CPA6: variants seen among roughly 807,000 people sequenced by gnomAD.
CPA6 encodes the protein carboxypeptidase B.
Under a neutral mutation model 63.3 loss-of-function variants are expected in CPA6, and 58 were observed. The observed-to-expected ratio is 0.92, with a 90% CI of 0.74 to 1.14. CPA6 has a LOEUF of 1.14. Ranked by LOEUF, CPA6 falls within the 50% of genes most tolerant of loss-of-function variation. CPA6 has a pLI of 0.00. For synonymous variants in CPA6, 185 were observed against 179.0 expected (o/e 1.03, Z -0.27); for missense variants, 565 against 526.6 (o/e 1.07, Z -0.71).
chr8:67,698,041 C>T (rs946137377), intron 1 of CPA6, among the ~76,000 whole-genome samples: 3 of 152,062 alleles, frequency 2.0e-5, no homozygotes, highest in Admixed American at 1.3e-4. Flanking sequence ...AAATGAGAAC[C>T]TGGTAGCTGT....
chr8:67,728,670 T>C lies in CPA6; in HGVS notation c.116+17344A>G, dbSNP rs147002552. Among the ~76,000 whole-genome samples, 642 of 152,358 alleles carry C rather than the reference T, an allele frequency of 4.2e-3. 3 individuals are homozygous for C. Among genetic ancestry groups the C allele is most frequent in the Non-Finnish European group, 6.0e-3 (405 of 68,036 alleles). On this transcript the variant is annotated intron_variant, in intron 1 of 10. Coordinates refer to ENST00000297770, the MANE Select transcript of CPA6 (RefSeq NM_020361.5). ...TAATACTGCAAATAGCTTACATTTA[T>C]TGAGTTTATTTGTCCTAGTCTCTGC...
chr8:67,633,620 G>C (rs1472678238), intron 1 of CPA6, among the ~76,000 whole-genome samples: 1 of 149,814 alleles, frequency 6.7e-6, no homozygotes, highest in African/African-American at 2.5e-5. Flanking sequence ...GGCGGAGCTT[G>C]CAGTGAGCAG....
intron 1 of CPA6, among the ~76,000 whole-genome samples, chr8:67,696,350 C>T (rs1047303462): frequency 6.6e-6 from 1 of 152,108 alleles, no homozygotes; most frequent in Non-Finnish European, 1.5e-5. Flanking sequence ...CACTGAGAAG[C>T]CATAGTACAT....
intron 8 of CPA6, among the ~76,000 whole-genome samples, chr8:67,480,865 T>C (rs1418440094): frequency 6.6e-6 from 1 of 152,228 alleles, no homozygotes. Flanking sequence ...TCTTAGTAGA[T>C]GTGAAGTGGT....
chr8:67,511,687 T>C (rs1812046069), intron 3 of CPA6, 32 bp from the exon 4 acceptor site: 1 of 1,271,366 alleles, frequency 7.9e-7, no homozygotes, highest in South Asian at 1.2e-5. Flanking sequence ...TGATGAAAAG[T>C]AAATTGAGAT....
intron 2 of CPA6, among the ~76,000 whole-genome samples, chr8:67,563,413 C>G (rs1813261183): frequency 6.6e-6 from 1 of 152,154 alleles, no homozygotes; most frequent in Non-Finnish European, 1.5e-5. Context: ...ACATGAGTGA[C>G]TGGCAAATTG....
intron 8 of CPA6, among the ~76,000 whole-genome samples, chr8:67,475,761 TTC>T (rs1383505983): frequency 4.9e-4 from 61 of 125,304 alleles, no homozygotes; most frequent in African/African-American, 1.7e-3. Context: ...CTTTTTTTCT[TTC>T]TTTCTCTTTC....
At chr8:67,741,724 A>G (rs1350718312) in intron 1 of CPA6, among the ~76,000 whole-genome samples, 2 of 152,218 alleles carry the variant, frequency 1.3e-5, no homozygotes, top group Non-Finnish European at 2.9e-5. Flanking sequence ...CGTCATCCCC[A>G]GATGGGACTG....
intron 6 of CPA6, among the ~76,000 whole-genome samples, chr8:67,498,890 G>A (rs1370947577): frequency 1.3e-5 from 2 of 152,174 alleles, no homozygotes. Context: ...AAACAGAAAG[G>A]TGATGGCTCT....
At chr8:67,608,863 C>T (rs13275970) in intron 2 of CPA6, among the ~76,000 whole-genome samples, 9,579 of 152,282 alleles carry the variant, frequency 0.063, 397 homozygotes, top group East Asian at 0.15. Context: ...CTCAGTTCCA[C>T]TGGTCATGAT....
chr8:67,616,480 T>C (rs563535871), intron 2 of CPA6, among the ~76,000 whole-genome samples: 2 of 150,600 alleles, frequency 1.3e-5, no homozygotes, highest in South Asian at 4.2e-4. Context: ...ATCCTCCATC[T>C]GGGATTTGGT....
At chr8:67,725,264 A>G (rs1817575605) in intron 1 of CPA6, among the ~76,000 whole-genome samples, 2 of 152,210 alleles carry the variant, frequency 1.3e-5, no homozygotes, top group Non-Finnish European at 2.9e-5. Flanking sequence ...TTCACAAAAC[A>G]GGTGCTTTTT....
chr8:67,545,392 C>G (rs996050610), intron 2 of CPA6, among the ~76,000 whole-genome samples: 2 of 152,122 alleles, frequency 1.3e-5, no homozygotes, highest in African/African-American at 2.4e-5. Flanking sequence ...GGTCTACCTT[C>G]CAATTGGTTC....
intron 8 of CPA6, among the ~76,000 whole-genome samples, chr8:67,456,758 G>A (rs1285536636): frequency 3.3e-5 from 5 of 152,284 alleles, no homozygotes; most frequent in African/African-American, 4.8e-5. Flanking sequence ...GATACATTAA[G>A]GTTCTTGAGA....
chr8:67,611,636 G>A (rs1355911748), intron 2 of CPA6, among the ~76,000 whole-genome samples: 1 of 152,194 alleles, frequency 6.6e-6, no homozygotes, highest in Non-Finnish European at 1.5e-5. Flanking sequence ...GCTGGTCAAT[G>A]TTAGGCTTTG....
In CPA6 at chr8:67,538,679, T is replaced by C. The variant is rs571479217; in HGVS notation, c.193-20632A>G. ...TTGTCAGTCTGTGTCTTTTTTTTCT[T>C]GACGGAGTCTTGCTCTGTTGCCGAG... On this transcript the variant is annotated intron_variant, in intron 2 of 10. Coordinates refer to ENST00000297770, the MANE Select transcript of CPA6 (RefSeq NM_020361.5). Among the ~76,000 whole-genome samples the C allele has an allele frequency of 2.0e-5, 3 of 152,144 alleles. No individual in the cohort carries two copies. In the South Asian group the frequency reaches 6.2e-4, roughly 32 times the overall value.
At chr8:67,424,863 A>G (rs911373850) in intron 10 of CPA6, among the ~76,000 whole-genome samples, 11 of 152,122 alleles carry the variant, frequency 7.2e-5, no homozygotes, top group African/African-American at 2.7e-4. Context: ...ACAGCTGACA[A>G]GCCCTCTGGC....
At chr8:67,677,313 C>T (rs1410982650) in intron 1 of CPA6, among the ~76,000 whole-genome samples, 4 of 149,386 alleles carry the variant, frequency 2.7e-5, no homozygotes, top group African/African-American at 9.9e-5. Flanking sequence ...GCTGAAAATT[C>T]ATCTCTTTAT....
In CPA6 at chr8:67,561,420, T is replaced by C. The variant is rs75485461; in HGVS notation, c.193-43373A>G. 3.8e-3 allele frequency among the ~76,000 whole-genome samples: 583 copies of C among 152,324 alleles called. 4 individuals are homozygous for C. Among genetic ancestry groups the C allele is most frequent in the Middle Eastern group, 0.01 (3 of 294 alleles). ...ACTCATGCTACTTGATTGGATACGA[T>C]GAAAACATAGCATGATTTTCTTGTG... On this transcript the variant is annotated intron_variant, in intron 2 of 10. Coordinates refer to ENST00000297770, the MANE Select transcript of CPA6 (RefSeq NM_020361.5).
Sources: allele counts gnomAD v4.1 joint callset (sites outside exome capture counted in the v4.1 genomes callset), GRCh38; gene constraint gnomAD v4.1.1; transcripts MANE v1.5; gene names NCBI Gene and HGNC (gene_info 2026-07-23, HGNC 2026-07-21).